The following ZDHHC17 variants were observed in gnomAD, a reference collection of about 807,000 sequenced individuals.
ZDHHC17 encodes the protein palmitoyltransferase ZDHHC17.
ZDHHC17 carries 40 observed loss-of-function variants against 90.3 expected under a neutral mutation model. The ratio of observed to expected loss-of-function variants is 0.44; its 90% CI spans 0.34 to 0.58. The LOEUF is 0.58. Among genes scored for constraint, ZDHHC17 ranks in the 20% least tolerant of loss-of-function variants. The probability of loss-of-function intolerance (pLI) is 0.01; values close to 1 mark genes in which losing one functional copy is unlikely to be tolerated. For synonymous variants in ZDHHC17, 235 were observed against 252.4 expected (o/e 0.93, Z 0.65); for missense variants, 614 against 780.8 (o/e 0.79, Z 2.55).
intron 12 of ZDHHC17, among the ~76,000 whole-genome samples, 163 bp downstream of exon 12, chr12:76,843,144 G>A (rs1953454567): frequency 6.6e-6 from 1 of 152,120 alleles, no homozygotes; most frequent in Admixed American, 6.6e-5. Flanking sequence ...TGCTTCCCAA[G>A]GCGCTTATTC....
chr12:76,820,412 AAAT>A (rs1953150947), intron 7 of ZDHHC17, among the ~76,000 whole-genome samples: 1 of 152,332 alleles, frequency 6.6e-6, no homozygotes, highest in Middle Eastern at 3.4e-3. Context: ...GTGATTAAAA[AAAT>A]AATAATCCTT....
chr12:76,787,085 G>A (rs1206553863), intron 1 of ZDHHC17, among the ~76,000 whole-genome samples: 1 of 152,166 alleles, frequency 6.6e-6, no homozygotes, highest in Non-Finnish European at 1.5e-5. Context: ...TAAAATACTT[G>A]AAGGTACTTC....
chr12:76,841,478 G>T (rs1953433839), intron 10 of ZDHHC17, among the ~76,000 whole-genome samples: 2 of 151,984 alleles, frequency 1.3e-5, no homozygotes, highest in Non-Finnish European at 2.9e-5. Flanking sequence ...GTTTTTATGA[G>T]ATAGAAAAAA....
At chr12:76,814,883 T>A (rs1172114043) in intron 5 of ZDHHC17, among the ~76,000 whole-genome samples, 1 of 151,964 alleles carries the variant, frequency 6.6e-6, no homozygotes, top group South Asian at 2.1e-4. Flanking sequence ...TCAGAATAGG[T>A]TAAGAATTTT....
At chr12:76,804,092 T>G (rs1168304895) in intron 2 of ZDHHC17, among the ~76,000 whole-genome samples, 3 of 152,232 alleles carry the variant, frequency 2.0e-5, no homozygotes, top group Non-Finnish European at 4.4e-5. Context: ...GCTAGTGAGC[T>G]GGCAGAGAAT....
intron 10 of ZDHHC17, among the ~76,000 whole-genome samples, chr12:76,834,130 A>G (rs1317169662): frequency 1.3e-5 from 2 of 152,210 alleles, no homozygotes; most frequent in Admixed American, 6.5e-5. Context: ...GTGAATATGT[A>G]TCATTTTAGC....
chr12:76,819,555 C>A (rs571228685), intron 7 of ZDHHC17, among the ~76,000 whole-genome samples: 83 of 152,238 alleles, frequency 5.5e-4, no homozygotes, highest in Non-Finnish European at 8.8e-4. Context: ...CCCTAAAATA[C>A]CTATTTTCTA....
intron 10 of ZDHHC17, among the ~76,000 whole-genome samples, chr12:76,832,357 A>G (rs1953313976): frequency 6.6e-6 from 1 of 152,240 alleles, no homozygotes; most frequent in Non-Finnish European, 1.5e-5. Flanking sequence ...CTACATATGT[A>G]ATTAAAACTG....
chr12:76,765,248 T>A lies in ZDHHC17; in HGVS notation c.93+919T>A, dbSNP rs183209356. Among the ~76,000 whole-genome samples the A allele has an allele frequency of 1.5e-3, 224 of 152,368 alleles. 1 individual carries two copies. Among genetic ancestry groups the A allele is most frequent in the Non-Finnish European group, 2.5e-3 (172 of 68,026 alleles). On this transcript the variant is annotated intron_variant, in intron 1 of 16. Coordinates refer to ENST00000426126, the MANE Select transcript of ZDHHC17 (RefSeq NM_015336.4). ...TAGGATGAACAAACATGGAAGTCTC[T>A]ACCTGGTTACTTTGCAATGGAGTGA... is the stretch of plus-strand genomic sequence containing the variant.
At chr12:76,811,000 T>C (rs1008528884) in intron 5 of ZDHHC17, among the ~76,000 whole-genome samples, 3 of 152,210 alleles carry the variant, frequency 2.0e-5, no homozygotes, top group African/African-American at 7.2e-5. Context: ...TACCAGTCCA[T>C]GTGGTCTTTC....
intron 2 of ZDHHC17, among the ~76,000 whole-genome samples, chr12:76,797,800 C>T (rs967266328): frequency 1.3e-5 from 2 of 152,092 alleles, no homozygotes; most frequent in Admixed American, 6.5e-5. Flanking sequence ...AAAAATTAGC[C>T]AGGCATGGTG....
At chr12:76,845,853 G>T in intron 13 of ZDHHC17, 51 bp downstream of exon 13, 1 of 1,011,908 alleles carries the variant, frequency 9.9e-7, no homozygotes, top group African/African-American at 1.6e-5. Flanking sequence ...GTTACTTTAG[G>T]TAATGAATAA....
intron 10 of ZDHHC17, among the ~76,000 whole-genome samples, chr12:76,832,119 A>G (rs917421438): frequency 1.3e-5 from 2 of 152,244 alleles, no homozygotes; most frequent in African/African-American, 4.8e-5. Context: ...CCAGTTTTAT[A>G]AAGCCAGTAA....
In ZDHHC17 at chr12:76,777,831, G is replaced by A. The variant is rs554280258; in HGVS notation, c.93+13502G>A. 4.6e-5 allele frequency among the ~76,000 whole-genome samples: 7 copies of A among 152,322 alleles called. No individual in the cohort carries two copies. In the East Asian group the frequency reaches 7.7e-4, roughly 17 times the overall value. On this transcript the variant is annotated intron_variant, in intron 1 of 16. Coordinates refer to ENST00000426126, the MANE Select transcript of ZDHHC17 (RefSeq NM_015336.4). ...TTGGGGAACTGAGTTAGGTTTGTGC[G>A]TGTGTGTCAGGTGAGACACATGAGG...
intron 7 of ZDHHC17, among the ~76,000 whole-genome samples, chr12:76,820,141 G>T (rs1163347369): frequency 6.6e-6 from 1 of 152,056 alleles, no homozygotes; most frequent in Non-Finnish European, 1.5e-5. Context: ...TGGAGGAGGT[G>T]TGGGTCCATG....
At chr12:76,776,352 T>G (rs12578370) in intron 1 of ZDHHC17, among the ~76,000 whole-genome samples, 4 of 152,182 alleles carry the variant, frequency 2.6e-5, no homozygotes, top group Non-Finnish European at 5.9e-5. Context: ...TAGTTCATGG[T>G]GAAGTCCCAC....
intron 1 of ZDHHC17, among the ~76,000 whole-genome samples, chr12:76,785,679 A>G (rs985794076): frequency 6.6e-6 from 1 of 152,226 alleles, no homozygotes; most frequent in African/African-American, 2.4e-5. Flanking sequence ...TGAATTGTGA[A>G]TTGAATTGTG....
At chr12:76,807,965 G>A (rs946107388) in intron 3 of ZDHHC17, among the ~76,000 whole-genome samples, 10 of 152,128 alleles carry the variant, frequency 6.6e-5, no homozygotes, top group East Asian at 1.9e-4. Context: ...AAATGTTTGC[G>A]TTATTAATAG....
chr12:76,766,739 G>T (rs1009640266), intron 1 of ZDHHC17, among the ~76,000 whole-genome samples: 11 of 152,110 alleles, frequency 7.2e-5, no homozygotes, highest in African/African-American at 2.4e-5. Context: ...GGAGATCCTG[G>T]CTGGGCTCGG....
Sources: allele counts gnomAD v4.1 joint callset (sites outside exome capture counted in the v4.1 genomes callset), GRCh38; gene constraint gnomAD v4.1.1; transcripts MANE v1.5; gene names NCBI Gene and HGNC (gene_info 2026-07-23, HGNC 2026-07-21).